Variants in SPTLC1 observed in about 807,000 individuals in gnomAD.
SPTLC1 encodes serine palmitoyltransferase 1.
In SPTLC1, 55 loss-of-function variants were observed where a neutral mutation model predicts 68.9. The observed-to-expected ratio is 0.80, with a 90% CI of 0.64 to 1.00. The LOEUF is 1.00. SPTLC1 is among the 50% of genes least tolerant of loss of function. SPTLC1 has a pLI of 0.00. For missense variants in SPTLC1, 449 were observed against 573.1 expected (o/e 0.78, Z 2.21); for synonymous variants, 197 against 201.6 (o/e 0.98, Z 0.19).
intron 5 of SPTLC1, among the ~76,000 whole-genome samples, chr9:92,077,364 T>A (rs1331948677): frequency 1.3e-5 from 2 of 152,082 alleles, no homozygotes; most frequent in Non-Finnish European, 2.9e-5. Flanking sequence ...GACGGTCAGT[T>A]CTTGTTAAGA....
intron 5 of SPTLC1, among the ~76,000 whole-genome samples, chr9:92,069,734 A>G (rs1280178275): frequency 6.6e-6 from 1 of 152,204 alleles, no homozygotes; most frequent in African/African-American, 2.4e-5. Context: ...GGCCTCCTTC[A>G]AAGTATAATG....
At chr9:92,072,505 T>C (rs112171837) in intron 5 of SPTLC1, among the ~76,000 whole-genome samples, 15 of 152,270 alleles carry the variant, frequency 9.9e-5, no homozygotes, top group African/African-American at 3.4e-4. Flanking sequence ...CTGAGGATGC[T>C]AGTGGTTGCT....
chr9:92,050,265 C>T (rs1833662173), intron 8 of SPTLC1, 198 bp from the exon 9 acceptor site: 1 of 546,618 alleles, frequency 1.8e-6, no homozygotes, highest in Non-Finnish European at 3.3e-6. Context: ...CGGATATGTG[C>T]ATGTGCAGAG....
At chr9:92,047,060 G>T (rs1007372342) in intron 11 of SPTLC1, 112 bp downstream of exon 11, 1 of 908,076 alleles carries the variant, frequency 1.1e-6, no homozygotes, top group African/African-American at 1.6e-5. Flanking sequence ...GCCATATAAT[G>T]TAACTGCAAA....
At chr9:92,071,228 A>T (rs1281567317) in intron 5 of SPTLC1, among the ~76,000 whole-genome samples, 7 of 77,162 alleles carry the variant, frequency 9.1e-5, no homozygotes, top group African/African-American at 2.8e-4. Context: ...TATCTCTACT[A>T]AAAAAAAAAA....
intron 3 of SPTLC1, among the ~76,000 whole-genome samples, chr9:92,093,214 T>C (rs983652194): frequency 6.6e-6 from 1 of 152,214 alleles, no homozygotes; most frequent in Non-Finnish European, 1.5e-5. Flanking sequence ...GCAATGATCT[T>C]AGATGCAGAA....
At chr9:92,054,196 A>C (rs1004927251) in intron 8 of SPTLC1, among the ~76,000 whole-genome samples, 3 of 152,104 alleles carry the variant, frequency 2.0e-5, no homozygotes, top group Non-Finnish European at 4.4e-5. Flanking sequence ...CAGGAGAATC[A>C]CTTGAACCCA....
intron 5 of SPTLC1, among the ~76,000 whole-genome samples, chr9:92,075,596 C>T (rs929478082): frequency 1.3e-5 from 2 of 152,216 alleles, no homozygotes; most frequent in African/African-American, 4.8e-5. Flanking sequence ...CTTAATCTTA[C>T]AGTCCTGGGC....
intron 12 of SPTLC1, among the ~76,000 whole-genome samples, chr9:92,043,756 C>T (rs1486283604): frequency 6.6e-6 from 1 of 152,212 alleles, no homozygotes; most frequent in Non-Finnish European, 1.5e-5. Flanking sequence ...TGCTTCTGTT[C>T]TTACTGCTGT....
intron 2 of SPTLC1, 63 bp from the exon 3 acceptor site, chr9:92,108,897 G>C (rs1264852979): frequency 4.4e-6 from 7 of 1,585,464 alleles, no homozygotes; most frequent in Middle Eastern, 4.1e-4. Context: ...TAGTGTCTCT[G>C]CAACTTCAGT....
At chr9:92,058,259 C>A (rs1030042770) in intron 7 of SPTLC1, among the ~76,000 whole-genome samples, 2 of 151,280 alleles carry the variant, frequency 1.3e-5, no homozygotes, top group African/African-American at 4.9e-5. Context: ...TAGGCTGACA[C>A]CTAAACAAAG....
chr9:92,094,746 G>C (rs1313246240), intron 3 of SPTLC1, among the ~76,000 whole-genome samples: 1 of 152,180 alleles, frequency 6.6e-6, no homozygotes, highest in African/African-American at 2.4e-5. Context: ...GTCTGACAAA[G>C]AGATCTTCAA....
At chr9:92,113,348 CA>C (rs1232953391) in intron 1 of SPTLC1, among the ~76,000 whole-genome samples, 1 of 152,158 alleles carries the variant, frequency 6.6e-6, no homozygotes, top group Non-Finnish European at 1.5e-5. Flanking sequence ...TGGATTCTAG[CA>C]AGCAAACATC....
At chr9:92,102,318 A>T (rs549561729) in intron 3 of SPTLC1, among the ~76,000 whole-genome samples, 14 of 152,370 alleles carry the variant, frequency 9.2e-5, no homozygotes, top group African/African-American at 2.9e-4. Context: ...TACTAATGCA[A>T]AAACAGGACA....
rs538922832 is a variant in SPTLC1, at chr9:92,085,803, C to G, written c.261-4840G>C. Among the ~76,000 whole-genome samples the G allele has an allele frequency of 1.4e-4, 22 of 152,048 alleles. 1 individual carries two copies. The highest frequency in any genetic ancestry group is 6.8e-3 in the Middle Eastern group (2 of 294). On this transcript the variant is annotated intron_variant, in intron 3 of 14. Coordinates refer to ENST00000262554, the MANE Select transcript of SPTLC1 (RefSeq NM_006415.4). ...TTCAATTCCTGGGTATCCTTGTTGA[C>G]TTTCTGTCTCGTTGATCTGTCTAAT...
At chr9:92,044,173 G>C (rs571950413) in intron 12 of SPTLC1, among the ~76,000 whole-genome samples, 1 of 152,302 alleles carries the variant, frequency 6.6e-6, no homozygotes, top group South Asian at 2.1e-4. Context: ...CTCTATACAG[G>C]TGTCATGAAA....
chr9:92,050,942 T>C (rs1364843488), intron 8 of SPTLC1: 2 of 968,602 alleles, frequency 2.1e-6, no homozygotes, highest in East Asian at 1.2e-4. Flanking sequence ...CCACCCAAAG[T>C]GTTGGGATTA....
At chr9:92,073,433 AG>A (rs1180114509) in intron 5 of SPTLC1, among the ~76,000 whole-genome samples, 1 of 152,244 alleles carries the variant, frequency 6.6e-6, no homozygotes, top group Non-Finnish European at 1.5e-5. Flanking sequence ...AGGCATAGCC[AG>A]GCAGGACTAC....
At chr9:92,065,382 C>G (rs1191485980) in intron 6 of SPTLC1, among the ~76,000 whole-genome samples, 3 of 152,270 alleles carry the variant, frequency 2.0e-5, no homozygotes, top group South Asian at 4.1e-4. Context: ...CTCTAGCACT[C>G]CTACATTCAA....
Sources: gnomAD v4.1 joint callset for allele counts (sites outside exome capture counted in the v4.1 genomes callset) on GRCh38, gnomAD v4.1.1 for gene constraint, MANE v1.5 for transcripts, NCBI Gene and HGNC (gene_info 2026-07-23, HGNC 2026-07-21) for gene names.